ATXN7L1: variants seen among roughly 807,000 people sequenced by gnomAD.
ATXN7L1 encodes ataxin-7-like protein 1.
Under a neutral mutation model 70.8 loss-of-function variants are expected in ATXN7L1, and 15 were observed. The ratio of observed to expected loss-of-function variants is 0.21; its 90% CI spans 0.14 to 0.33. The LOEUF is 0.33. Among genes scored for constraint, ATXN7L1 ranks in the 10% least tolerant of loss-of-function variants. The pLI is 1.00. For missense variants in ATXN7L1, 975 were observed against 1,097.1 expected (o/e 0.89, Z 1.57); for synonymous variants, 440 against 445.1 (o/e 0.99, Z 0.14).
chr7:105,632,967 T>C (rs939558226), intron 7 of ATXN7L1, among the ~76,000 whole-genome samples: 1 of 148,308 alleles, frequency 6.7e-6, no homozygotes, highest in African/African-American at 2.5e-5. Flanking sequence ...GTGACTATTG[T>C]GTGAACTTTC....
chr7:105,778,660 AAG>A (rs1803119433), intron 3 of ATXN7L1, among the ~76,000 whole-genome samples: 1 of 152,216 alleles, frequency 6.6e-6, no homozygotes, highest in African/African-American at 2.4e-5. Context: ...AACATGAAAA[AAG>A]AGAATTTCAC....
chr7:105,621,462 CT>C (rs1230547972), intron 8 of ATXN7L1, among the ~76,000 whole-genome samples: 1 of 152,230 alleles, frequency 6.6e-6, no homozygotes, highest in Non-Finnish European at 1.5e-5. Flanking sequence ...CATCCTCTTC[CT>C]TCTCCTTAGT....
At chr7:105,622,857 TG>T (rs1230686332) in intron 8 of ATXN7L1, among the ~76,000 whole-genome samples, 1 of 152,100 alleles carries the variant, frequency 6.6e-6, no homozygotes, top group African/African-American at 2.4e-5. Context: ...TGGGTGAGGA[TG>T]TAATATCGGA....
intron 4 of ATXN7L1, among the ~76,000 whole-genome samples, chr7:105,652,058 CTG>C (rs1233379791): frequency 6.6e-6 from 1 of 152,086 alleles, no homozygotes; most frequent in Non-Finnish European, 1.5e-5. Context: ...GCTAAGTGTC[CTG>C]ACATTCCTGG....
chr7:105,758,919 C>T lies in ATXN7L1; in HGVS notation c.355+29685G>A, dbSNP rs181434935. On this transcript the variant is annotated intron_variant, in intron 3 of 11. Coordinates refer to ENST00000419735, the MANE Select transcript of ATXN7L1 (RefSeq NM_020725.2). ...GTACGGGGAAGAGAATGGAGACAGGCACGATTCTGTCTTTACATCTTGAGC... is the reference window on the plus strand; with the variant it reads ...GTACGGGGAAGAGAATGGAGACAGGTACGATTCTGTCTTTACATCTTGAGC... Among the ~76,000 whole-genome samples the T allele has an allele frequency of 4.6e-5, 7 of 152,238 alleles. No homozygotes were observed. In the East Asian group the frequency reaches 1.4e-3, roughly 29 times the overall value.
chr7:105,772,857 T>C (rs1035300115), intron 3 of ATXN7L1, among the ~76,000 whole-genome samples: 8 of 152,206 alleles, frequency 5.3e-5, no homozygotes, highest in Non-Finnish European at 1.0e-4. Context: ...ATACAATAAA[T>C]ATATGGAACT....
At chr7:105,629,968 C>T (rs1008608127) in intron 7 of ATXN7L1, among the ~76,000 whole-genome samples, 5 of 152,188 alleles carry the variant, frequency 3.3e-5, no homozygotes, top group African/African-American at 7.2e-5. Flanking sequence ...CAGGCATGCA[C>T]CACCACACCT....
chr7:105,773,888 T>A (rs1301629440), intron 3 of ATXN7L1, among the ~76,000 whole-genome samples: 1 of 152,044 alleles, frequency 6.6e-6, no homozygotes, highest in African/African-American at 2.4e-5. Context: ...TTAAAAAAAA[T>A]AAATGATAGG....
At chr7:105,860,186 T>G (rs1370936984) in intron 2 of ATXN7L1, among the ~76,000 whole-genome samples, 3 of 136,452 alleles carry the variant, frequency 2.2e-5, no homozygotes, top group African/African-American at 8.2e-5. Context: ...AGACAAAATG[T>G]GAACTAATGT....
intron 2 of ATXN7L1, among the ~76,000 whole-genome samples, chr7:105,846,866 C>T (rs1377760673): frequency 6.6e-6 from 1 of 152,216 alleles, no homozygotes; most frequent in Non-Finnish European, 1.5e-5. Flanking sequence ...TAAAAGGCCA[C>T]ATATTATATA....
intron 2 of ATXN7L1, among the ~76,000 whole-genome samples, chr7:105,798,653 T>A: frequency 6.6e-6 from 1 of 152,234 alleles, no homozygotes; most frequent in Non-Finnish European, 1.5e-5. Flanking sequence ...CCATTCACAG[T>A]AGGAGCTAAG....
In ATXN7L1 at chr7:105,607,774, C is replaced by T; in HGVS notation, c.*78G>A. 7.4e-7 allele frequency: 1 copy of T among 1,355,580 alleles called. No homozygotes were observed. The allele number at this position is 1,355,580 out of a possible 1,614,324, so 84.0% of individuals were successfully genotyped here. On this transcript the variant is annotated 3_prime_UTR_variant, in exon 12 of 12. Transcript: ENST00000419735. ...CAGACTCTCCCCCCAGCCCACTCCC[C>T]TCCCTCCTCCTCCCCATGGCCTCCT...
chr7:105,673,965 G>A (rs1408217588), intron 3 of ATXN7L1, among the ~76,000 whole-genome samples: 1 of 152,216 alleles, frequency 6.6e-6, no homozygotes, highest in Non-Finnish European at 1.5e-5. Flanking sequence ...CAGGTGATAG[G>A]ACAGGCTGCG....
At chr7:105,784,041 A>C (rs1803913632) in intron 3 of ATXN7L1, among the ~76,000 whole-genome samples, 1 of 152,146 alleles carries the variant, frequency 6.6e-6, no homozygotes. Flanking sequence ...AGCTCACTGC[A>C]ACCTCAACCT....
At chr7:105,871,308 G>A (rs77834937) in intron 2 of ATXN7L1, among the ~76,000 whole-genome samples, 11,739 of 152,150 alleles carry the variant, frequency 0.077, 591 homozygotes, top group East Asian at 0.26. Context: ...CTGACTCAAA[G>A]TGCTATCCTG....
chr7:105,819,689 T>C, intron 2 of ATXN7L1: 1 of 925,684 alleles, frequency 1.1e-6, no homozygotes. Context: ...ACACCAACCC[T>C]TCCCGAGGCC....
At chr7:105,873,457 A>G (rs1434764867) in intron 2 of ATXN7L1, among the ~76,000 whole-genome samples, 1 of 152,232 alleles carries the variant, frequency 6.6e-6, no homozygotes, top group East Asian at 1.9e-4. Flanking sequence ...GGCAAGCATT[A>G]CTGGAGATCC....
chr7:105,630,792 G>C (rs907070237), intron 7 of ATXN7L1, among the ~76,000 whole-genome samples: 2 of 152,226 alleles, frequency 1.3e-5, no homozygotes, highest in Admixed American at 6.5e-5. Context: ...TAGTGGCGGA[G>C]GGAGGCTATG....
chr7:105,662,097 TTTTC>T (rs1185721347), intron 4 of ATXN7L1, among the ~76,000 whole-genome samples: 11 of 145,926 alleles, frequency 7.5e-5, no homozygotes, highest in South Asian at 2.2e-4. Context: ...TTTTCTTTTC[TTTTC>T]TTTTCTTTTT....
Sources: allele counts gnomAD v4.1 joint callset (sites outside exome capture counted in the v4.1 genomes callset), GRCh38; gene constraint gnomAD v4.1.1; transcripts MANE v1.5; gene names NCBI Gene and HGNC (gene_info 2026-07-23, HGNC 2026-07-21).